ATF7IP2: variants seen among roughly 807,000 people sequenced by gnomAD.
The protein encoded by ATF7IP2 is activating transcription factor 7 interacting protein 2, also known as activating transcription factor 7-interacting protein 2.
ATF7IP2 carries 42 observed loss-of-function variants against 64.2 expected under a neutral mutation model. The observed-to-expected ratio is 0.65, with a 90% CI of 0.51 to 0.85. The LOEUF (loss-of-function observed/expected upper bound fraction) is 0.85. Ranked by LOEUF, ATF7IP2 falls within the 40% of genes least tolerant of loss-of-function variation. ATF7IP2 has a pLI of 0.00. For synonymous variants in ATF7IP2, 308 were observed against 272.8 expected (o/e 1.13, Z -1.27); for missense variants, 933 against 784.2 (o/e 1.19, Z -2.27).
At chr16:10,414,193 T>C (rs1447463921) in intron 1 of ATF7IP2, among the ~76,000 whole-genome samples, 1 of 152,182 alleles carries the variant, frequency 6.6e-6, no homozygotes, top group Non-Finnish European at 1.5e-5. Context: ...ACTTTTCGCT[T>C]TCTCTTCTTC....
At chr16:10,411,035 A>G (rs1012067861) in intron 1 of ATF7IP2, among the ~76,000 whole-genome samples, 1 of 152,132 alleles carries the variant, frequency 6.6e-6, no homozygotes, top group Admixed American at 6.5e-5. Flanking sequence ...TGCATATGTG[A>G]AACCACCCCT....
At chr16:10,399,061 C>T (rs1258956300) in intron 1 of ATF7IP2, among the ~76,000 whole-genome samples, 2 of 151,770 alleles carry the variant, frequency 1.3e-5, no homozygotes, top group Admixed American at 6.6e-5. Flanking sequence ...TGCAGTGAGC[C>T]GAGATTGTGC....
intron 9 of ATF7IP2, among the ~76,000 whole-genome samples, chr16:10,469,063 A>T (rs140098096): frequency 3.7e-4 from 56 of 152,294 alleles, no homozygotes; most frequent in African/African-American, 1.3e-3. Flanking sequence ...ATGAAACAAC[A>T]TCCATTACCC....
At chr16:10,440,669 G>A (rs2048585142) in intron 8 of ATF7IP2, among the ~76,000 whole-genome samples, 1 of 152,228 alleles carries the variant, frequency 6.6e-6, no homozygotes, top group Non-Finnish European at 1.5e-5. Context: ...GGAGTAGAAA[G>A]AGGATTGGTG....
chr16:10,455,275 T>C (rs1257380544), intron 8 of ATF7IP2, among the ~76,000 whole-genome samples: 1 of 151,950 alleles, frequency 6.6e-6, no homozygotes, highest in Non-Finnish European at 1.5e-5. Context: ...ATCAAAAGGG[T>C]TCTTACAAAA....
At chr16:10,445,810 G>A (rs2048784331) in intron 8 of ATF7IP2, 1 of 152,192 alleles carries the variant, frequency 6.6e-6, no homozygotes, top group Non-Finnish European at 1.5e-5. Flanking sequence ...CCTGGCCCTG[G>A]AGATTATTAA....
rs374687929 is a variant in ATF7IP2, at chr16:10,438,229, A to C, written c.1089A>C (p.Lys363Asn). The C allele has an allele frequency of 3.1e-6, 5 of 1,592,610 alleles. No homozygotes were observed. In the South Asian group the frequency reaches 3.5e-5, roughly 11 times the overall value. ...CRNKHEGIAD[K>N]LLAKIAKLQR... The stretch of plus-strand genomic sequence containing the variant: ...ATAAGCATGAAGGAATAGCTGATAA[A>C]CTTTTGGTAAGTTTTGATTTCATTT... The change falls in exon 7 of 14, where the codon AAA (lysine) becomes AAC (asparagine). Residue 363 changes from lysine (K) to asparagine (N), a missense_variant. Transcript: ENST00000562102.
chr16:10,417,470 TAAAGAAAGA>T (rs2141832681), intron 2 of ATF7IP2, among the ~76,000 whole-genome samples: 1 of 152,190 alleles, frequency 6.6e-6, no homozygotes, highest in South Asian at 2.1e-4. Context: ...TCAAAAGCAG[TAAAGAAAGA>T]CAAACATGAT....
At chr16:10,431,592 T>TCTTAGTGAGGTGGGGGACAGGTATC in intron 5 of ATF7IP2, 137 bp downstream of exon 5, 1 of 596,648 alleles carries the variant, frequency 1.7e-6, no homozygotes, top group Non-Finnish European at 2.8e-6. Context: ...GTATCTTGTT[T>TCTTAGTGAGGTGGGGGACAGGTATC]CTGAACCATT....
intron 12 of ATF7IP2, 28 bp downstream of exon 12, chr16:10,474,017 T>C: frequency 6.7e-7 from 1 of 1,488,524 alleles, no homozygotes; most frequent in Non-Finnish European, 9.3e-7. Context: ...ATCTTTCTTT[T>C]GTAAAAAGGA....
At chr16:10,392,583 G>C (rs1166653716) in intron 1 of ATF7IP2, among the ~76,000 whole-genome samples, 3 of 152,088 alleles carry the variant, frequency 2.0e-5, no homozygotes, top group Admixed American at 2.0e-4. Flanking sequence ...ATTGTTCAGA[G>C]ACTAGAAAGA....
At chr16:10,434,848 A>G (rs1161263967) in intron 6 of ATF7IP2, among the ~76,000 whole-genome samples, 2 of 152,186 alleles carry the variant, frequency 1.3e-5, no homozygotes, top group Admixed American at 1.3e-4. Flanking sequence ...CCCAGACTGG[A>G]GTGCAGTGGC....
chr16:10,475,407 A>T (rs1404716186), intron 12 of ATF7IP2, among the ~76,000 whole-genome samples: 1 of 152,156 alleles, frequency 6.6e-6, no homozygotes, highest in Non-Finnish European at 1.5e-5. Flanking sequence ...AAATATCCAA[A>T]CTGGCTGGGC....
Position 10,480,880 on chromosome 16 carries a change from A to T in ATF7IP2, c.1551A>T (p.Glu517Asp), listed in dbSNP as rs1357938441. The T allele has an allele frequency of 6.2e-7, 1 of 1,604,386 alleles. No individual in the cohort carries two copies. Among genetic ancestry groups the T allele is most frequent in the Non-Finnish European group, 8.5e-7 (1 of 1,171,264 alleles). The change falls in exon 13 of 14, where the codon GAA (glutamate) becomes GAT (aspartate). Residue 517 changes from glutamate to aspartate, a missense_variant and splice_region_variant. By Grantham distance (45) the Glu-to-Asp change is conservative (BLOSUM62 2). Transcript: ENST00000562102. ...TCTTAAACCTTGTGTTGTTCACAGA[A>T]AGTCCAGTATCCCCCCTGGAGTCAC... ...TKEGLSNCNTESPVSPLESHS... is the reference protein window; with the variant it reads ...TKEGLSNCNTDSPVSPLESHS...
intron 9 of ATF7IP2, among the ~76,000 whole-genome samples, chr16:10,461,961 C>T (rs1009793541): frequency 6.6e-6 from 1 of 151,828 alleles, no homozygotes; most frequent in Non-Finnish European, 1.5e-5. Flanking sequence ...TTTCTGTTTG[C>T]CCTGTTTTAT....
intron 8 of ATF7IP2, among the ~76,000 whole-genome samples, chr16:10,443,109 G>T (rs1052481710): frequency 6.6e-6 from 1 of 152,176 alleles, no homozygotes; most frequent in Non-Finnish European, 1.5e-5. Context: ...TACTGCTCCA[G>T]TTATTTGGCA....
chr16:10,430,051 A>G (rs2048195055), intron 4 of ATF7IP2, among the ~76,000 whole-genome samples: 1 of 151,510 alleles, frequency 6.6e-6, no homozygotes, highest in African/African-American at 2.4e-5. Context: ...ACAGGGTTTC[A>G]CCACGTTGAC....
intron 3 of ATF7IP2, among the ~76,000 whole-genome samples, chr16:10,419,914 T>C (rs545982808): frequency 6.6e-6 from 1 of 152,376 alleles, no homozygotes; most frequent in South Asian, 2.1e-4. Flanking sequence ...CCTTTGCAGC[T>C]GGTTTCTGTA....
At chr16:10,444,730 G>A (rs1037093802) in intron 8 of ATF7IP2, among the ~76,000 whole-genome samples, 2 of 152,134 alleles carry the variant, frequency 1.3e-5, no homozygotes, top group African/African-American at 4.8e-5. Context: ...CTTGATGAAG[G>A]TGGATGCCAT....
Sources: gnomAD v4.1 joint callset for allele counts (sites outside exome capture counted in the v4.1 genomes callset) on GRCh38, gnomAD v4.1.1 for gene constraint, MANE v1.5 for transcripts, NCBI Gene and HGNC (gene_info 2026-07-23, HGNC 2026-07-21) for gene names.